RYR2: variants seen among roughly 807,000 people sequenced by gnomAD.
RYR2 encodes cardiac muscle ryanodine receptor-calcium release channel.
RYR2 carries 227 observed loss-of-function variants against 601.1 expected under a neutral mutation model. The observed-to-expected ratio is 0.38, with a 90% CI of 0.34 to 0.42. The LOEUF (loss-of-function observed/expected upper bound fraction) is 0.42. RYR2 is among the 10% of genes least tolerant of loss of function. RYR2 has a pLI of 1.00. For missense variants in RYR2, 4,646 were observed against 6,156.5 expected, an observed-to-expected ratio of 0.75 and a Z score of 8.21; for synonymous variants, 2,223 against 2,175.1, an observed-to-expected ratio of 1.02 and a Z score of -0.61.
intron 8 of RYR2, among the ~76,000 whole-genome samples, chr1:237,378,955 G>T (rs1701241072): frequency 6.6e-6 from 1 of 152,126 alleles, no homozygotes; most frequent in African/African-American, 2.4e-5. Flanking sequence ...TTCTACTTTT[G>T]TCCCTTAACC....
At chr1:237,286,134 A>T (rs965796878) in intron 2 of RYR2, among the ~76,000 whole-genome samples, 1 of 151,758 alleles carries the variant, frequency 6.6e-6, no homozygotes, top group Admixed American at 6.6e-5. Flanking sequence ...TACTCTTTCA[A>T]TATTTTTGAT....
intron 10 of RYR2, among the ~76,000 whole-genome samples, chr1:237,405,065 C>T (rs1703726277): frequency 6.6e-6 from 1 of 152,204 alleles, no homozygotes; most frequent in Admixed American, 6.5e-5. Flanking sequence ...CATGCCTAGA[C>T]TTCCAACCTA....
At chr1:237,358,896 A>G (rs1699535102) in intron 4 of RYR2, among the ~76,000 whole-genome samples, 1 of 152,068 alleles carries the variant, frequency 6.6e-6, no homozygotes, top group African/African-American at 2.4e-5. Context: ...CTTCTCTCCA[A>G]GAAACCATTT....
intron 10 of RYR2, among the ~76,000 whole-genome samples, chr1:237,401,985 A>G (rs1276153322): frequency 6.6e-6 from 1 of 152,232 alleles, no homozygotes; most frequent in Non-Finnish European, 1.5e-5. Context: ...CTACTTACTT[A>G]TTATCAAACA....
At chr1:237,112,452 G>A (rs1669594764) in intron 1 of RYR2, among the ~76,000 whole-genome samples, 1 of 151,868 alleles carries the variant, frequency 6.6e-6, no homozygotes, top group East Asian at 1.9e-4. Flanking sequence ...TTAGTTAGCT[G>A]GCCTCATGAT....
At chr1:237,786,552 G>T (rs1202552379) in intron 91 of RYR2, among the ~76,000 whole-genome samples, 1 of 152,200 alleles carries the variant, frequency 6.6e-6, no homozygotes, top group African/African-American at 2.4e-5. Context: ...TCCTGCCTCA[G>T]CAGGTCTGGT....
At chr1:237,642,111 T>C (rs1055393817) in intron 47 of RYR2, among the ~76,000 whole-genome samples, 20 of 152,324 alleles carry the variant, frequency 1.3e-4, no homozygotes, top group African/African-American at 4.6e-4. Flanking sequence ...AGTATATTTC[T>C]AAAGTGGGAT....
intron 71 of RYR2, among the ~76,000 whole-genome samples, chr1:237,712,339 G>GTATAA (rs897526752): frequency 3.3e-5 from 5 of 152,134 alleles, no homozygotes; most frequent in African/African-American, 1.2e-4. Context: ...GTAGCCCAGA[G>GTATAA]TATAAGAGCC....
chr1:237,256,289 G>A (rs1157612216), intron 1 of RYR2, among the ~76,000 whole-genome samples: 2 of 152,134 alleles, frequency 1.3e-5, no homozygotes, highest in African/African-American at 4.8e-5. Flanking sequence ...ATGGAACTGT[G>A]AGTCCATTAA....
intron 29 of RYR2, among the ~76,000 whole-genome samples, chr1:237,585,832 A>G (rs1377256432): frequency 1.3e-5 from 2 of 152,204 alleles, no homozygotes; most frequent in African/African-American, 4.8e-5. Context: ...CTACTGGTAT[A>G]ATTGCTATAA....
At chr1:237,621,062 AT>A (rs201462796) in intron 38 of RYR2, among the ~76,000 whole-genome samples, 9 of 152,120 alleles carry the variant, frequency 5.9e-5, no homozygotes, top group African/African-American at 9.7e-5. Context: ...AATCATACAC[AT>A]TTTTTTATCA....
At chr1:237,593,278 G>T (rs574859981) in intron 32 of RYR2, among the ~76,000 whole-genome samples, 198 bp from the exon 33 acceptor site, 2 of 152,188 alleles carry the variant, frequency 1.3e-5, no homozygotes, top group East Asian at 3.9e-4. Context: ...ATTTAATTCA[G>T]GATCTCTGGT....
intron 2 of RYR2, among the ~76,000 whole-genome samples, chr1:237,299,628 A>AT (rs1478116640): frequency 6.6e-6 from 1 of 152,206 alleles, no homozygotes; most frequent in Non-Finnish European, 1.5e-5. Context: ...TAAGTATATT[A>AT]TCCCTGAGTG....
intron 101 of RYR2, among the ~76,000 whole-genome samples, chr1:237,827,167 C>G (rs1275534792): frequency 6.6e-6 from 1 of 152,124 alleles, no homozygotes; most frequent in Non-Finnish European, 1.5e-5. Flanking sequence ...TCATTGTGCT[C>G]TTATTGAGTG....
At chr1:237,601,780 A>G (rs1427323095) in intron 34 of RYR2, among the ~76,000 whole-genome samples, 1 of 152,188 alleles carries the variant, frequency 6.6e-6, no homozygotes. Flanking sequence ...TTAATTATGT[A>G]TGTTTACTTC....
rs1267496982 is a variant in RYR2 at position 237,261,090 on chromosome 1, A to G, written c.49-9407A>G. Reference sequence around the variant, plus strand: ...CTGTATGACATAAATGTCAAAAGCAATGATGGGATAAATGAGATCAACTTG... The same window carrying G: ...CTGTATGACATAAATGTCAAAAGCAGTGATGGGATAAATGAGATCAACTTG... On this transcript the variant is annotated intron_variant, in intron 1 of 104. Transcript: ENST00000366574. Among the ~76,000 whole-genome samples the G allele has an allele frequency of 5.9e-5, 9 of 152,266 alleles. No homozygotes were observed. In the East Asian group the frequency reaches 1.7e-3, roughly 29 times the overall value.
At chr1:237,459,183 C>A (rs1055821657) in intron 16 of RYR2, among the ~76,000 whole-genome samples, 1 of 152,194 alleles carries the variant, frequency 6.6e-6, no homozygotes, top group Non-Finnish European at 1.5e-5. Flanking sequence ...ACACTACATC[C>A]TACCTTCTTC....
chr1:237,323,416 T>C (rs1201173152), intron 2 of RYR2, among the ~76,000 whole-genome samples: 1 of 152,172 alleles, frequency 6.6e-6, no homozygotes, highest in Non-Finnish European at 1.5e-5. Flanking sequence ...TCTCAAGATA[T>C]ATGTGAGCTG....
intron 2 of RYR2, among the ~76,000 whole-genome samples, chr1:237,278,290 T>C (rs1321528065): frequency 1.5e-5 from 2 of 131,030 alleles, no homozygotes; most frequent in African/African-American, 5.4e-5. Flanking sequence ...AGGGTTTCAC[T>C]GTGTTGCCCA....
Sources: allele counts gnomAD v4.1 joint callset (sites outside exome capture counted in the v4.1 genomes callset), GRCh38; gene constraint gnomAD v4.1.1; transcripts MANE v1.5; gene names NCBI Gene and HGNC (gene_info 2026-07-23, HGNC 2026-07-21).